SKAP1: variants seen among roughly 807,000 people sequenced by gnomAD.
The protein encoded by SKAP1 is src kinase-associated phosphoprotein 1.
In SKAP1, 44 loss-of-function variants were observed where a neutral mutation model predicts 58.5. That is an observed-to-expected ratio of 0.75 (90% CI 0.59 to 0.97). The LOEUF (loss-of-function observed/expected upper bound fraction) is 0.97, where lower values mean the gene tolerates loss of function less well. Among genes scored for constraint, SKAP1 ranks in the 50% least tolerant of loss-of-function variants. The pLI is 0.00. For synonymous variants in SKAP1, 127 were observed against 149.7 expected (o/e 0.85, Z 1.11); for missense variants, 390 against 435.2 (o/e 0.90, Z 0.92).
chr17:48,237,871 TGAA>T (rs1018616148), intron 4 of SKAP1, among the ~76,000 whole-genome samples: 26 of 151,214 alleles, frequency 1.7e-4, no homozygotes, highest in Non-Finnish European at 3.4e-4. Flanking sequence ...TTTGTATACA[TGAA>T]GAAGACTGGG....
At chr17:48,310,106 C>A (rs1439012843) in intron 4 of SKAP1, among the ~76,000 whole-genome samples, 1 of 152,152 alleles carries the variant, frequency 6.6e-6, no homozygotes, top group Non-Finnish European at 1.5e-5. Flanking sequence ...GCTGCATGCA[C>A]CAACTTTCAC....
chr17:48,224,411 TCTC>T (rs1337746571), intron 4 of SKAP1, among the ~76,000 whole-genome samples: 1 of 152,184 alleles, frequency 6.6e-6, no homozygotes, highest in African/African-American at 2.4e-5. Flanking sequence ...GGCTAGGAGG[TCTC>T]CTCAGCTATG....
At chr17:48,275,973 G>C (rs1048668042) in intron 4 of SKAP1, among the ~76,000 whole-genome samples, 2 of 152,120 alleles carry the variant, frequency 1.3e-5, no homozygotes, top group Admixed American at 6.5e-5. Context: ...ACATGAAGGG[G>C]ATGAGAGAGT....
chr17:48,377,981 T>C (rs149669665), intron 2 of SKAP1, among the ~76,000 whole-genome samples: 22 of 152,322 alleles, frequency 1.4e-4, no homozygotes, highest in African/African-American at 4.8e-4. Context: ...CAATGGATGA[T>C]ATTACTATCC....
At chr17:48,330,824 GA>G (rs576009056) in intron 4 of SKAP1, among the ~76,000 whole-genome samples, 99 of 145,078 alleles carry the variant, frequency 6.8e-4, no homozygotes, top group Non-Finnish European at 1.0e-3. Flanking sequence ...CCAGGGGGCG[GA>G]AAAAAAAAAA....
intron 4 of SKAP1, among the ~76,000 whole-genome samples, chr17:48,194,888 C>T (rs934961773): frequency 5.3e-5 from 8 of 152,054 alleles, no homozygotes; most frequent in African/African-American, 1.7e-4. Flanking sequence ...CATTAAAGTA[C>T]TCATGTAAAA....
At chr17:48,265,675 A>G (rs1348898738) in intron 4 of SKAP1, among the ~76,000 whole-genome samples, 1 of 152,186 alleles carries the variant, frequency 6.6e-6, no homozygotes, top group Non-Finnish European at 1.5e-5. Flanking sequence ...TGTCATCAAC[A>G]ATGTGAATAA....
chr17:48,398,699 C>T (rs1186302504), intron 1 of SKAP1, among the ~76,000 whole-genome samples: 5 of 152,128 alleles, frequency 3.3e-5, no homozygotes, highest in South Asian at 2.1e-4. Context: ...AACGCCAGGC[C>T]GGGCGTGGTG....
At chr17:48,174,727 T>A (rs1011179453) in intron 9 of SKAP1, among the ~76,000 whole-genome samples, 1 of 152,238 alleles carries the variant, frequency 6.6e-6, no homozygotes, top group African/African-American at 2.4e-5. Flanking sequence ...TTATGTCTAC[T>A]GAAATACATC....
rs138098145 is a variant in SKAP1 at position 48,348,391 on chromosome 17, G to T, written c.179-2385C>A. 9.4e-3 allele frequency among the ~76,000 whole-genome samples: 1,414 copies of T among 149,946 alleles called. 32 individuals carry two copies. Among genetic ancestry groups the T allele is most frequent in the African/African-American group, 0.033 (1,350 of 41,038 alleles). On this transcript the variant is annotated intron_variant, in intron 3 of 12. Transcript: ENST00000336915. ...AAAAGAAGAAAGAAAAAAAGTACAT[G>T]CTCACATTCTAAGTGTTTTAAAAAA...
intron 2 of SKAP1, among the ~76,000 whole-genome samples, chr17:48,366,922 G>C (rs8079940): frequency 0.092 from 14,023 of 152,094 alleles, 981 homozygotes; most frequent in African/African-American, 0.17. Flanking sequence ...CTTTGCTGTT[G>C]CTCTCATTTA....
chr17:48,205,189 A>C (rs1375383994), intron 4 of SKAP1, among the ~76,000 whole-genome samples: 3 of 150,000 alleles, frequency 2.0e-5, no homozygotes, highest in African/African-American at 2.5e-5. Flanking sequence ...GGTTCACTGC[A>C]GTCTCCACCT....
intron 2 of SKAP1, among the ~76,000 whole-genome samples, chr17:48,380,574 G>A (rs545530120): frequency 6.6e-6 from 1 of 152,190 alleles, no homozygotes; most frequent in East Asian, 1.9e-4. Context: ...TCCAGGGTAG[G>A]GGCCTAGAAA....
At chr17:48,271,650 C>T (rs1220695748) in intron 4 of SKAP1, among the ~76,000 whole-genome samples, 1 of 152,158 alleles carries the variant, frequency 6.6e-6, no homozygotes, top group Non-Finnish European at 1.5e-5. Flanking sequence ...ACATGAGCTA[C>T]TGCACCTGGA....
chr17:48,264,374 C>A (rs542665519), intron 4 of SKAP1, among the ~76,000 whole-genome samples: 2 of 151,878 alleles, frequency 1.3e-5, no homozygotes, highest in Non-Finnish European at 2.9e-5. Context: ...TCTTTGAAAT[C>A]CATTTAATGA....
intron 1 of SKAP1, among the ~76,000 whole-genome samples, chr17:48,429,848 C>T (rs2067895729): frequency 6.6e-6 from 1 of 152,038 alleles, no homozygotes; most frequent in Non-Finnish European, 1.5e-5. Context: ...GAAGTGGAGG[C>T]GTGGAGGTGC....
intron 1 of SKAP1, among the ~76,000 whole-genome samples, chr17:48,413,839 T>G (rs1320927817): frequency 6.6e-6 from 1 of 152,074 alleles, no homozygotes; most frequent in African/African-American, 2.4e-5. Context: ...ACTAACTGCA[T>G]AAGAACATCC....
intron 1 of SKAP1, among the ~76,000 whole-genome samples, chr17:48,420,395 C>T (rs577658226): frequency 1.3e-3 from 205 of 152,224 alleles, no homozygotes; most frequent in Admixed American, 3.3e-3. Context: ...ACTTGTTTTG[C>T]TGTGTGTCAC....
intron 9 of SKAP1, 62 bp from the exon 10 acceptor site, chr17:48,170,721 T>C (rs2143365202): frequency 4.1e-6 from 6 of 1,465,388 alleles, no homozygotes; most frequent in Non-Finnish European, 5.7e-6. Flanking sequence ...TCTTTTTTTT[T>C]TTTTTCGAGA....
Sources: allele counts gnomAD v4.1 joint callset (sites outside exome capture counted in the v4.1 genomes callset), GRCh38; gene constraint gnomAD v4.1.1; transcripts MANE v1.5; gene names NCBI Gene and HGNC (gene_info 2026-07-23, HGNC 2026-07-21).